BAZ2B: variants seen among roughly 807,000 people sequenced by gnomAD.
The protein encoded by BAZ2B is bromodomain adjacent to zinc finger domain 2B.
Under a neutral mutation model 246.0 loss-of-function variants are expected in BAZ2B, and 91 were observed. That is an observed-to-expected ratio of 0.37 (90% CI 0.31 to 0.44). The LOEUF is 0.44. Ranked by LOEUF, BAZ2B falls within the 20% of genes least tolerant of loss-of-function variation. The probability of loss-of-function intolerance (pLI) is 1.00; values close to 1 mark genes in which losing one functional copy is unlikely to be tolerated. For synonymous variants in BAZ2B, 855 were observed against 860.0 expected (o/e 0.99, Z 0.10); for missense variants, 2,332 against 2,533.7 (o/e 0.92, Z 1.71).
intron 1 of BAZ2B, among the ~76,000 whole-genome samples, chr2:159,581,383 T>A (rs898740765): frequency 2.6e-5 from 4 of 152,184 alleles, no homozygotes; most frequent in African/African-American, 9.6e-5. Context: ...TACCATCTCA[T>A]GCCAGTTAGA....
chr2:159,453,867 G>C, intron 3 of BAZ2B, 66 bp from the exon 4 acceptor site: 1 of 1,262,728 alleles, frequency 7.9e-7, no homozygotes, highest in Non-Finnish European at 1.0e-6. Flanking sequence ...TCTGATTTCA[G>C]TGTTTATAGT....
At chr2:159,480,283 G>A (rs544628639) in intron 2 of BAZ2B, among the ~76,000 whole-genome samples, 4 of 152,130 alleles carry the variant, frequency 2.6e-5, no homozygotes, top group East Asian at 3.9e-4. Context: ...AAAAAAATTT[G>A]CCTTTGTACT....
chr2:159,682,994 T>G, the BAZ2B span, among the ~76,000 whole-genome samples: 1 of 151,752 alleles, frequency 6.6e-6, no homozygotes, highest in Non-Finnish European at 1.5e-5. Flanking sequence ...TAAATCTCTT[T>G]GTTATTTTTG....
At chr2:159,521,033 T>C (rs2084067044) in intron 2 of BAZ2B, among the ~76,000 whole-genome samples, 2 of 152,100 alleles carry the variant, frequency 1.3e-5, no homozygotes, top group African/African-American at 4.8e-5. Flanking sequence ...AATTCTGCTA[T>C]TGTAAAAGGT....
chr2:159,611,124 A>C (rs2151816780), intron 1 of BAZ2B, among the ~76,000 whole-genome samples: 1 of 152,142 alleles, frequency 6.6e-6, no homozygotes, highest in African/African-American at 2.4e-5. Flanking sequence ...TCAAAGTTTG[A>C]ACTTTTAAAA....
the BAZ2B span, among the ~76,000 whole-genome samples, chr2:159,681,985 C>G: frequency 6.6e-6 from 1 of 151,868 alleles, no homozygotes; most frequent in Admixed American, 6.6e-5. Flanking sequence ...GTTAAGGAAA[C>G]CACAGAGAAT....
chr2:159,566,885 A>T (rs1682728112), intron 1 of BAZ2B, among the ~76,000 whole-genome samples: 1 of 152,188 alleles, frequency 6.6e-6, no homozygotes, highest in South Asian at 2.1e-4. Flanking sequence ...TATACAGGTT[A>T]AATGCAAACT....
chr2:159,385,137 G>C lies in BAZ2B; in HGVS notation c.3686+18C>G. 1 of 1,590,552 alleles carries C rather than the reference G, an allele frequency of 6.3e-7. No homozygotes were observed. On this transcript the variant is annotated intron_variant, in intron 23 of 36. Transcript: ENST00000392783. Reference sequence around the variant, plus strand: ...TTCAAAATGGAAAAATCACGGAAAAGCCTGGGCATATGCTCACCTGACCAC... The same window carrying C: ...TTCAAAATGGAAAAATCACGGAAAACCCTGGGCATATGCTCACCTGACCAC...
the BAZ2B span, among the ~76,000 whole-genome samples, chr2:159,668,314 T>C: frequency 6.6e-6 from 1 of 152,212 alleles, no homozygotes; most frequent in Admixed American, 6.5e-5. Flanking sequence ...GTTATTCTTT[T>C]GCCCTAATGC....
Position 159,549,716 on chromosome 2 carries a change from G to A in BAZ2B, c.-3+6107C>T, listed in dbSNP as rs138557066. Among the ~76,000 whole-genome samples, 113 of 150,882 alleles carry A rather than the reference G, an allele frequency of 7.5e-4. 1 individual carries two copies. Among genetic ancestry groups the A allele is most frequent in the African/African-American group, 2.6e-3 (108 of 41,016 alleles). On this transcript the variant is annotated intron_variant, in intron 2 of 36. Transcript: ENST00000392783. ...CATGTGGCCCACAGGCCACAGGTTG[G>A]ACAAGCTTGACTTAAACCATGGAGA...
chr2:159,685,570 T>C, the BAZ2B span, among the ~76,000 whole-genome samples: 1 of 152,010 alleles, frequency 6.6e-6, no homozygotes, highest in East Asian at 1.9e-4. Flanking sequence ...CAAAAGCATC[T>C]TGTAGTACCA....
At chr2:159,706,915 A>T in the BAZ2B span, among the ~76,000 whole-genome samples, 1 of 152,228 alleles carries the variant, frequency 6.6e-6, no homozygotes, top group Non-Finnish European at 1.5e-5. Flanking sequence ...GTCAGCCTTA[A>T]GAGCAAAAAC....
chr2:159,628,352 G>A, the BAZ2B span, among the ~76,000 whole-genome samples: 21 of 152,066 alleles, frequency 1.4e-4, no homozygotes, highest in Non-Finnish European at 2.6e-4. Flanking sequence ...AAATGAGCCC[G>A]CATGGCCAAG....
At chr2:159,450,386 A>G (rs1358845054) in intron 4 of BAZ2B, among the ~76,000 whole-genome samples, 1 of 152,026 alleles carries the variant, frequency 6.6e-6, no homozygotes, top group Non-Finnish European at 1.5e-5. Context: ...AAGAAAAAAA[A>G]AAAAAAAGTA....
chr2:159,666,847 C>T, the BAZ2B span, among the ~76,000 whole-genome samples: 1 of 151,784 alleles, frequency 6.6e-6, no homozygotes, highest in African/African-American at 2.4e-5. Flanking sequence ...AGAGCGAAGA[C>T]TCCATCTGAA....
At chr2:159,339,206 C>T (rs1397414428) in intron 31 of BAZ2B, among the ~76,000 whole-genome samples, 1 of 22,846 alleles carries the variant, frequency 4.4e-5, no homozygotes, top group Non-Finnish European at 3.5e-3. Context: ...GCCTCCAATG[C>T]CCTCCCCGTC....
chr2:159,597,985 T>A (rs1320786460), intron 1 of BAZ2B, among the ~76,000 whole-genome samples: 1 of 119,838 alleles, frequency 8.3e-6, no homozygotes, highest in Non-Finnish European at 1.7e-5. Context: ...TAAGACCACA[T>A]AGACGTATTC....
At chr2:159,415,444 C>CAAA (rs66504722) in intron 13 of BAZ2B, among the ~76,000 whole-genome samples, 3,828 of 112,860 alleles carry the variant, frequency 0.034, 163 homozygotes, top group African/African-American at 0.072. Context: ...GACTCCGTCT[C>CAAA]AAAAAAAAAA....
chr2:159,637,587 A>G, the BAZ2B span, among the ~76,000 whole-genome samples: 1 of 151,886 alleles, frequency 6.6e-6, no homozygotes, highest in East Asian at 1.9e-4. Flanking sequence ...TTTTTTCGAG[A>G]CCCTCTGTCA....
Sources: allele counts gnomAD v4.1 joint callset (sites outside exome capture counted in the v4.1 genomes callset), GRCh38; gene constraint gnomAD v4.1.1; transcripts MANE v1.5; gene names NCBI Gene and HGNC (gene_info 2026-07-23, HGNC 2026-07-21).